The following SYN3 variants were observed in gnomAD, a reference collection of about 807,000 sequenced individuals.
SYN3 encodes synapsin III.
SYN3 carries 35 observed loss-of-function variants against 65.8 expected under a neutral mutation model. The observed-to-expected ratio is 0.53, with a 90% CI of 0.41 to 0.70. SYN3 has a LOEUF of 0.70. Among genes scored for constraint, SYN3 ranks in the 30% least tolerant of loss-of-function variants. The probability of loss-of-function intolerance (pLI) is 0.00; values close to 1 mark genes in which losing one functional copy is unlikely to be tolerated. For missense variants in SYN3, 680 were observed against 749.0 expected (o/e 0.91, Z 1.08); for synonymous variants, 270 against 292.9 (o/e 0.92, Z 0.80).
Position 32,522,700 on chromosome 22 carries a change from CCTT to C in SYN3, c.1319-4369_1319-4367del, listed in dbSNP as rs2057906729. 2.0e-5 allele frequency among the ~76,000 whole-genome samples: 3 copies of C among 152,268 alleles called. No individual in the cohort carries two copies. In the East Asian group the frequency reaches 5.8e-4, roughly 29 times the overall value. On this transcript the variant is annotated intron_variant, in intron 12 of 13. Coordinates refer to ENST00000358763, the MANE Select transcript of SYN3 (RefSeq NM_003490.4). ...AAATTATTAGTAGTAAGAACTGACA[CCTT>C]CTACGCACTATCTCTGTGTCTGATG...
At chr22:33,050,343 C>A (rs1431232655) in intron 1 of SYN3, among the ~76,000 whole-genome samples, 3 of 151,882 alleles carry the variant, frequency 2.0e-5, no homozygotes, top group Admixed American at 1.3e-4. Context: ...ATTAGCCGGG[C>A]GTGGTGGTGC....
At chr22:32,817,875 T>C (rs2047129145) in intron 6 of SYN3, among the ~76,000 whole-genome samples, 1 of 152,198 alleles carries the variant, frequency 6.6e-6, no homozygotes, top group Non-Finnish European at 1.5e-5. Flanking sequence ...AACCCCACCC[T>C]GGTCCCCTGG....
chr22:32,610,574 T>C (rs1211167151), intron 6 of SYN3, among the ~76,000 whole-genome samples: 1 of 131,964 alleles, frequency 7.6e-6, no homozygotes. Context: ...GTTTTTGTTT[T>C]GTTTTGTTTT....
intron 7 of SYN3, among the ~76,000 whole-genome samples, chr22:32,564,152 G>A (rs949524744): frequency 1.3e-5 from 2 of 152,168 alleles, no homozygotes; most frequent in Non-Finnish European, 1.5e-5. Flanking sequence ...AAAATGCAAC[G>A]CATGCCTGAG....
In SYN3 at chr22:32,611,029, C is replaced by G. The variant is rs74922324; in HGVS notation, c.712-14293G>C. On this transcript the variant is annotated intron_variant, in intron 6 of 13. Coordinates refer to ENST00000358763, the MANE Select transcript of SYN3 (RefSeq NM_003490.4). The stretch of plus-strand genomic sequence containing the variant: ...ATATGTATTTCCAGTGATTGCAGAC[C>G]ATGAAGACAAATGAATGTCTAGGAA... Among the ~76,000 whole-genome samples the G allele has an allele frequency of 4.2e-3, 642 of 152,264 alleles. 1 individual carries two copies. The highest frequency in any genetic ancestry group is 0.01 in the Middle Eastern group (3 of 294).
chr22:32,967,076 C>T (rs537946457), intron 3 of SYN3, among the ~76,000 whole-genome samples: 2 of 152,238 alleles, frequency 1.3e-5, no homozygotes, highest in African/African-American at 4.8e-5. Context: ...TCATCAGAGT[C>T]ATGATGAGGA....
intron 6 of SYN3, among the ~76,000 whole-genome samples, chr22:32,615,916 G>A (rs1177441314): frequency 6.6e-6 from 1 of 152,210 alleles, no homozygotes; most frequent in Non-Finnish European, 1.5e-5. Context: ...CAATGGGGGC[G>A]GAGTCTCCCT....
intron 9 of SYN3, among the ~76,000 whole-genome samples, chr22:32,535,285 T>C (rs527446153): frequency 6.6e-6 from 1 of 152,320 alleles, no homozygotes; most frequent in African/African-American, 2.4e-5. Flanking sequence ...CTTAATAATT[T>C]TGGAAAAGCC....
intron 4 of SYN3, among the ~76,000 whole-genome samples, chr22:32,872,822 C>T (rs778760468): frequency 3.9e-5 from 6 of 152,006 alleles, no homozygotes; most frequent in Non-Finnish European, 7.4e-5. Context: ...TACCGAGCCT[C>T]GACAGTGGGC....
At chr22:32,757,483 G>C (rs2045329330) in intron 6 of SYN3, among the ~76,000 whole-genome samples, 1 of 152,092 alleles carries the variant, frequency 6.6e-6, no homozygotes, top group African/African-American at 2.4e-5. Context: ...TTTTAGCAGA[G>C]ACGGGGTTTT....
At chr22:32,814,253 G>T (rs1372757738) in intron 6 of SYN3, among the ~76,000 whole-genome samples, 1 of 127,530 alleles carries the variant, frequency 7.8e-6, no homozygotes, top group Non-Finnish European at 1.7e-5. Flanking sequence ...AAGAAGGAAA[G>T]AAAGAAAGAG....
chr22:32,645,307 C>T (rs5749478), intron 6 of SYN3, among the ~76,000 whole-genome samples: 54,632 of 151,410 alleles, frequency 0.36, 11,355 homozygotes, highest in East Asian at 0.89. Flanking sequence ...CAAAATTAGC[C>T]GGGCATGGTG....
chr22:33,043,788 C>T (rs969532740), intron 1 of SYN3, among the ~76,000 whole-genome samples: 1 of 152,098 alleles, frequency 6.6e-6, no homozygotes, highest in Non-Finnish European at 1.5e-5. Flanking sequence ...GGCGCAGTGG[C>T]TCACGCCTGT....
chr22:32,817,620 G>A (rs150845081), intron 6 of SYN3, among the ~76,000 whole-genome samples: 1 of 152,328 alleles, frequency 6.6e-6, no homozygotes, highest in African/African-American at 2.4e-5. Context: ...AGGGAAGGCT[G>A]ACCTTCAAGG....
intron 6 of SYN3, among the ~76,000 whole-genome samples, chr22:32,648,868 T>C (rs1023464883): frequency 1.3e-5 from 2 of 152,224 alleles, no homozygotes; most frequent in Non-Finnish European, 2.9e-5. Context: ...ACAACAGTCA[T>C]TGGCCACTCA....
chr22:32,867,502 A>T (rs1027402579), intron 5 of SYN3, among the ~76,000 whole-genome samples: 1 of 152,254 alleles, frequency 6.6e-6, no homozygotes. Flanking sequence ...GAATGGATAA[A>T]TTTATCATTC....
At chr22:32,976,499 T>C (rs1300558677) in intron 3 of SYN3, among the ~76,000 whole-genome samples, 1 of 152,170 alleles carries the variant, frequency 6.6e-6, no homozygotes, top group African/African-American at 2.4e-5. Context: ...TTAATATTAA[T>C]CCATTCATCA....
chr22:32,995,090 G>T (rs907253118), intron 2 of SYN3, among the ~76,000 whole-genome samples: 7 of 152,124 alleles, frequency 4.6e-5, no homozygotes, highest in African/African-American at 1.7e-4. Context: ...TCTGGCTCTG[G>T]ACTGTCCCCT....
intron 6 of SYN3, among the ~76,000 whole-genome samples, chr22:32,775,675 TCTG>T (rs1304215421): frequency 6.9e-6 from 1 of 145,786 alleles, no homozygotes; most frequent in East Asian, 2.0e-4. Flanking sequence ...GATCAGGAGT[TCTG>T]CTGCCAAGGC....
Sources: gnomAD v4.1 joint callset for allele counts (sites outside exome capture counted in the v4.1 genomes callset) on GRCh38, gnomAD v4.1.1 for gene constraint, MANE v1.5 for transcripts, NCBI Gene and HGNC (gene_info 2026-07-23, HGNC 2026-07-21) for gene names.